Variants in LRRC75A observed in about 807,000 individuals in gnomAD.
LRRC75A encodes leucine-rich repeat-containing protein 75A.
In LRRC75A, 12 loss-of-function variants were observed where a neutral mutation model predicts 26.0. The ratio of observed to expected loss-of-function variants is 0.46; its 90% CI spans 0.30 to 0.75. The LOEUF is 0.75. LRRC75A is among the 30% of genes least tolerant of loss of function. The pLI is 0.08. For missense variants in LRRC75A, 410 were observed against 486.6 expected (o/e 0.84, Z 1.48); for synonymous variants, 223 against 219.3 (o/e 1.02, Z -0.15).
chr17:16,452,527 T>A (rs994815909), intron 2 of LRRC75A, among the ~76,000 whole-genome samples: 6 of 151,818 alleles, frequency 4.0e-5, no homozygotes, highest in Non-Finnish European at 8.8e-5. Context: ...AACCTCCATC[T>A]CCCAGGTTCA....
chr17:16,485,681 T>TGTGTGTGTGTGTGTTC (rs748088509), intron 1 of LRRC75A, among the ~76,000 whole-genome samples: 2,605 of 134,828 alleles, frequency 0.019, 31 homozygotes, highest in Non-Finnish European at 0.026. Flanking sequence ...CGTGTGTGTG[T>TGTGTGTGTGTGTGTTC]GTGTGTGTGT....
chr17:16,462,197 C>T lies in LRRC75A; in HGVS notation c.375+61G>A. The T allele has an allele frequency of 6.3e-7, 1 of 1,599,994 alleles. No individual in the cohort carries two copies. The highest frequency in any genetic ancestry group is 1.1e-5 in the South Asian group (1 of 88,852). On this transcript the variant is annotated intron_variant, in intron 2 of 3. Coordinates refer to ENST00000470794, the MANE Select transcript of LRRC75A (RefSeq NM_001113567.3). The surrounding 1 kb of genome is among the most constrained non-coding windows in gnomAD (Gnocchi z 4.6). ...CCTCCTTGGGCATACAGCTGCTCTG[C>T]CCAGAAAGGCACCCACCGCACACCC...
At chr17:16,455,730 T>G (rs982547841) in intron 2 of LRRC75A, among the ~76,000 whole-genome samples, 1 of 152,210 alleles carries the variant, frequency 6.6e-6, no homozygotes, top group African/African-American at 2.4e-5. Flanking sequence ...ATGAGGGAAC[T>G]GAGGCAAAAA....
chr17:16,467,885 A>C (rs1385345829), intron 1 of LRRC75A, among the ~76,000 whole-genome samples: 3 of 152,176 alleles, frequency 2.0e-5, no homozygotes, highest in Admixed American at 6.5e-5. Flanking sequence ...CTCATTCTTG[A>C]CATCGCCCAA....
In LRRC75A at chr17:16,462,437, C is replaced by T. The variant is rs1353447667; in HGVS notation, c.247-51G>A. On this transcript the variant is annotated intron_variant, in intron 1 of 3. Coordinates refer to ENST00000470794, the MANE Select transcript of LRRC75A (RefSeq NM_001113567.3). The surrounding 1 kb of genome is among the most constrained non-coding windows in gnomAD (Gnocchi z 4.6). The stretch of plus-strand genomic sequence containing the variant: ...GTCAGGGCTGGCTGCCCACCCAGCT[C>T]GCCCACCATCCCCAAGAGAAGTAGG... 8 of 1,608,046 alleles carry T rather than the reference C, an allele frequency of 5.0e-6. No individual in the cohort carries two copies. Among genetic ancestry groups the T allele is most frequent in the Admixed American group, 1.7e-5 (1 of 59,822 alleles).
intron 1 of LRRC75A, among the ~76,000 whole-genome samples, chr17:16,481,301 A>C (rs2143411358): frequency 6.6e-6 from 1 of 152,158 alleles, no homozygotes; most frequent in African/African-American, 2.4e-5. Context: ...GTGAGATGAG[A>C]GCCCCTCCAT....
chr17:16,455,008 T>C (rs2093665531), intron 2 of LRRC75A, among the ~76,000 whole-genome samples: 1 of 151,798 alleles, frequency 6.6e-6, no homozygotes, highest in African/African-American at 2.4e-5. Flanking sequence ...TCTCAGCTCA[T>C]TGCAACCTCC....
chr17:16,477,230 G>A (rs1173547910), intron 1 of LRRC75A, among the ~76,000 whole-genome samples: 2 of 152,198 alleles, frequency 1.3e-5, no homozygotes, highest in East Asian at 1.9e-4. Flanking sequence ...GCAGCATCTA[G>A]ACTAGTGTTT....
chr17:16,454,129 G>T (rs571602619), intron 2 of LRRC75A, among the ~76,000 whole-genome samples: 1 of 152,308 alleles, frequency 6.6e-6, no homozygotes, highest in South Asian at 2.1e-4. Flanking sequence ...GGTGGCTCAC[G>T]CCTGTAATCC....
intron 2 of LRRC75A, among the ~76,000 whole-genome samples, chr17:16,449,680 G>A (rs2093615075): frequency 2.0e-5 from 3 of 152,140 alleles, no homozygotes; most frequent in Admixed American, 2.0e-4. Context: ...GCAATGGCAC[G>A]ATCTCGGCTC....
At chr17:16,474,995 CAA>C (rs551285458) in intron 1 of LRRC75A, among the ~76,000 whole-genome samples, 43 of 77,196 alleles carry the variant, frequency 5.6e-4, no homozygotes, top group African/African-American at 4.7e-4. Flanking sequence ...GACTCCGTCT[CAA>C]AAAAAAAAAA....
intron 1 of LRRC75A, among the ~76,000 whole-genome samples, chr17:16,474,691 T>G (rs932318380): frequency 3.9e-5 from 6 of 152,034 alleles, no homozygotes; most frequent in Non-Finnish European, 7.4e-5. Context: ...CCAAGTGAAA[T>G]GAAACATTTG....
chr17:16,452,635 C>A (rs12938294), intron 2 of LRRC75A, among the ~76,000 whole-genome samples: 1 of 151,692 alleles, frequency 6.6e-6, no homozygotes. Context: ...GGGGTTTCAC[C>A]ATGTTGGCCA....
At chr17:16,454,687 G>A (rs147189984) in intron 2 of LRRC75A, among the ~76,000 whole-genome samples, 1,677 of 151,994 alleles carry the variant, frequency 0.011, 29 homozygotes, top group African/African-American at 0.038. Context: ...GCAAAATTCC[G>A]TTTTAAAATA....
chr17:16,452,404 A>G (rs991761189), intron 2 of LRRC75A, among the ~76,000 whole-genome samples: 27 of 150,880 alleles, frequency 1.8e-4, no homozygotes, highest in African/African-American at 5.6e-4. Flanking sequence ...GGCCACCCCA[A>G]TGATGGGTGG....
At chr17:16,482,583 A>T (rs1177667019) in intron 1 of LRRC75A, among the ~76,000 whole-genome samples, 1 of 152,158 alleles carries the variant, frequency 6.6e-6, no homozygotes, top group Non-Finnish European at 1.5e-5. Context: ...TCCTGGGCCT[A>T]GCGCCTGTGT....
chr17:16,464,389 C>T (rs1044378956), intron 1 of LRRC75A, among the ~76,000 whole-genome samples: 4 of 152,188 alleles, frequency 2.6e-5, no homozygotes, highest in African/African-American at 9.7e-5. Flanking sequence ...CTTTTTCAAT[C>T]CCTCAGCCAG....
At position 16,444,083 on chromosome 17, in the gene LRRC75A, C is replaced by T. The variant is rs1568944218; in HGVS notation, c.540G>A (p.Leu180=). ...CTCGGGAGGTCAGTGGGATTCCCGA[C>T]AGGTCCACTGTGTTGTCTGGGGGGC... ...AGSPPDNTVD[L]SGIPLTSRDL... is the part of the protein sequence containing the mutation. Residue 180 remains leucine (L), a synonymous_variant, in exon 4 of 4, where the codon CTG becomes CTA. Transcript: ENST00000470794. 1 of 1,612,356 alleles carries T rather than the reference C, an allele frequency of 6.2e-7. No individual in the cohort carries two copies.
rs1398846133 is a variant in LRRC75A at position 16,442,316 on chromosome 17, C to A, written c.*1272G>T. 6.6e-6 allele frequency: 1 copy of A among 152,324 alleles called. No individual in the cohort carries two copies. Among genetic ancestry groups the A allele is most frequent in the African/African-American group, 2.4e-5 (1 of 41,470 alleles). 9.4% of individuals were successfully genotyped at this position (152,324 alleles called of 1,614,324 possible). A position where few individuals can be genotyped will look rare whatever the true frequency, so the allele number is the denominator to read the frequency against. Reference sequence around the variant, plus strand: ...TAGGGCCCCATACTCTAGGCCCCATCTTGCTGTCTTCCTGTGTTGGAATCT... The same window carrying A: ...TAGGGCCCCATACTCTAGGCCCCATATTGCTGTCTTCCTGTGTTGGAATCT... On this transcript the variant is annotated 3_prime_UTR_variant, in exon 4 of 4. Coordinates refer to ENST00000470794, the MANE Select transcript of LRRC75A (RefSeq NM_001113567.3).
Sources: gnomAD v4.1 joint callset for allele counts (sites outside exome capture counted in the v4.1 genomes callset) on GRCh38, gnomAD v4.1.1 for gene constraint, Gnocchi (gnomAD v3.1) non-coding constraint, MANE v1.5 for transcripts, NCBI Gene and HGNC (gene_info 2026-07-23, HGNC 2026-07-21) for gene names.